TIMM23: variants seen among roughly 807,000 people sequenced by gnomAD.
TIMM23 encodes translocase of inner mitochondrial membrane 23.
TIMM23 carries 19 observed loss-of-function variants against 30.7 expected under a neutral mutation model. That is an observed-to-expected ratio of 0.62 (90% CI 0.43 to 0.91). The LOEUF (loss-of-function observed/expected upper bound fraction) is 0.91, where lower values mean the gene tolerates loss of function less well. Ranked by LOEUF, TIMM23 falls within the 40% of genes least tolerant of loss-of-function variation. The probability of loss-of-function intolerance (pLI) is 0.00; values close to 1 mark genes in which losing one functional copy is unlikely to be tolerated. For missense variants in TIMM23, 202 were observed against 269.2 expected (o/e 0.75, Z 1.75); for synonymous variants, 78 against 98.5 (o/e 0.79, Z 1.23).
chr10:46,001,471 C>T (rs1040595440), intron 6 of TIMM23, among the ~76,000 whole-genome samples: 1 of 152,154 alleles, frequency 6.6e-6, no homozygotes, highest in Admixed American at 6.5e-5. Flanking sequence ...CAGAAGTCTT[C>T]AGACTGGAGA....
intron 6 of TIMM23, among the ~76,000 whole-genome samples, chr10:45,990,288 A>T (rs1838122859): frequency 6.6e-6 from 1 of 151,812 alleles, no homozygotes; most frequent in Admixed American, 6.6e-5. Context: ...ACATCTGGCT[A>T]ATTCTTGTAT....
rs781974809 is a variant in TIMM23 at position 45,977,971 on chromosome 10, C to T, written c.165+2459C>T. Among the ~76,000 whole-genome samples, 16 of 151,726 alleles carry T rather than the reference C, an allele frequency of 1.1e-4. 1 individual carries two copies. The highest frequency in any genetic ancestry group is 5.9e-4 in the Admixed American group (9 of 15,236). On this transcript the variant is annotated intron_variant, in intron 2 of 6. Coordinates refer to ENST00000580018, the MANE Select transcript of TIMM23 (RefSeq NM_006327.4). Reference sequence around the variant, plus strand: ...ACTTGAACCTGGGAGGCAGAGGTTGCGGTGAGCCAAGATCGCGCCACCCGC... The same window carrying T: ...ACTTGAACCTGGGAGGCAGAGGTTGTGGTGAGCCAAGATCGCGCCACCCGC...
intron 6 of TIMM23, chr10:45,998,372 A>T (rs1554917118): frequency 1.0e-6 from 1 of 985,208 alleles, no homozygotes; most frequent in African/African-American, 1.7e-5. Flanking sequence ...GAAGAACTAC[A>T]TAAGGATCCC....
At chr10:45,978,003 G>A (rs1837725401) in intron 2 of TIMM23, among the ~76,000 whole-genome samples, 2 of 151,940 alleles carry the variant, frequency 1.3e-5, no homozygotes, top group Admixed American at 6.6e-5. Flanking sequence ...CCGCACTTCA[G>A]CCTGGGCAAC....
intron 6 of TIMM23, among the ~76,000 whole-genome samples, chr10:45,999,467 A>G (rs1388670243): frequency 2.0e-5 from 3 of 152,158 alleles, no homozygotes; most frequent in African/African-American, 4.8e-5. Context: ...GAGACATCAC[A>G]TGTCGGTAGG....
chr10:45,996,964 C>CAA (rs1467134430), intron 6 of TIMM23, among the ~76,000 whole-genome samples: 50,216 of 110,104 alleles, frequency 0.46, 10,613 homozygotes, highest in Admixed American at 0.58. Flanking sequence ...GACCCTGTGT[C>CAA]AAACAAAAAA....
At chr10:45,994,737 C>T (rs1225878173) in intron 6 of TIMM23, among the ~76,000 whole-genome samples, 1 of 148,222 alleles carries the variant, frequency 6.7e-6, no homozygotes, top group South Asian at 2.2e-4. Context: ...CCACCGCGCC[C>T]GGCCCCCTCT....
intron 6 of TIMM23, among the ~76,000 whole-genome samples, chr10:45,993,481 C>T (rs1460207170): frequency 1.3e-5 from 2 of 151,746 alleles, no homozygotes; most frequent in African/African-American, 4.8e-5. Flanking sequence ...CTCGAACTCC[C>T]GACCTCAGGT....
rs1191169389 is a variant in TIMM23, at chr10:45,990,118, T to C, written c.514+1271T>C. ...CCTTTTCCCAAAGGCAACTTTTAAT[T>C]TTTTTTTTTTTTTTTTTCTTTTTTG... On this transcript the variant is annotated intron_variant, in intron 6 of 6. Coordinates refer to ENST00000580018, the MANE Select transcript of TIMM23 (RefSeq NM_006327.4). Among the ~76,000 whole-genome samples, 22 of 76,810 alleles carry C rather than the reference T, an allele frequency of 2.9e-4. 1 individual carries two copies. The highest frequency in any genetic ancestry group is 2.2e-3 in the Admixed American group (18 of 8,270). The allele number at this position is 76,810 out of a possible 152,430, so 50.4% of individuals were successfully genotyped here.
At chr10:46,000,576 A>G (rs1467918469) in intron 6 of TIMM23, among the ~76,000 whole-genome samples, 1 of 152,232 alleles carries the variant, frequency 6.6e-6, no homozygotes, top group African/African-American at 2.4e-5. Context: ...CCTAGTGCAT[A>G]TGCCAAAGAG....
intron 6 of TIMM23, among the ~76,000 whole-genome samples, chr10:45,990,865 G>A (rs1290818972): frequency 2.0e-5 from 3 of 152,128 alleles, no homozygotes; most frequent in Admixed American, 6.5e-5. Flanking sequence ...TACAAAATAC[G>A]CTTAAAGTAG....
intron 6 of TIMM23, among the ~76,000 whole-genome samples, chr10:45,991,640 AC>A (rs1838165404): frequency 1.3e-5 from 2 of 151,910 alleles, no homozygotes; most frequent in Admixed American, 6.6e-5. Context: ...AATCCCAGCT[AC>A]TCGGGAGGCT....
At chr10:45,992,068 G>A (rs1554915886) in intron 6 of TIMM23, among the ~76,000 whole-genome samples, 37,443 of 151,368 alleles carry the variant, frequency 0.25, 5,456 homozygotes, top group South Asian at 0.52. Context: ...CTGGGCTCAA[G>A]GGATCCTCTC....
At chr10:45,978,461 A>G (rs2132246903) in intron 2 of TIMM23, among the ~76,000 whole-genome samples, 1 of 152,334 alleles carries the variant, frequency 6.6e-6, no homozygotes, top group South Asian at 2.1e-4. Context: ...CTCTTGAAAC[A>G]TTAATAAAAA....
intron 6 of TIMM23, among the ~76,000 whole-genome samples, chr10:45,997,533 A>T (rs1838381430): frequency 6.6e-6 from 1 of 152,190 alleles, no homozygotes; most frequent in Non-Finnish European, 1.5e-5. Context: ...GTTGGTACAC[A>T]GAGCACCGTG....
At chr10:45,992,182 T>C (rs1403463825) in intron 6 of TIMM23, among the ~76,000 whole-genome samples, 2 of 152,280 alleles carry the variant, frequency 1.3e-5, no homozygotes, top group African/African-American at 4.8e-5. Flanking sequence ...CTTGCTATGT[T>C]ACCCAGGCTG....
chr10:46,002,715 T>C (rs1205800117), intron 6 of TIMM23, among the ~76,000 whole-genome samples: 1 of 151,900 alleles, frequency 6.6e-6, no homozygotes, highest in Non-Finnish European at 1.5e-5. Flanking sequence ...TGTTAAGTCA[T>C]ATGTATTACA....
chr10:45,998,241 T>C (rs922867989), intron 6 of TIMM23: 2 of 292,482 alleles, frequency 6.8e-6, no homozygotes, highest in East Asian at 3.4e-4. Context: ...TTTAAAGTCA[T>C]TGTCATTTGA....
chr10:45,989,586 A>C (rs1413119026), intron 6 of TIMM23, among the ~76,000 whole-genome samples: 1 of 152,112 alleles, frequency 6.6e-6, no homozygotes, highest in African/African-American at 2.4e-5. Context: ...ATTTTAGTTT[A>C]GTTTTTTTAA....
Sources: allele counts gnomAD v4.1 joint callset (sites outside exome capture counted in the v4.1 genomes callset), GRCh38; gene constraint gnomAD v4.1.1; transcripts MANE v1.5; gene names NCBI Gene and HGNC (gene_info 2026-07-23, HGNC 2026-07-21).